FMNL3: variants seen among roughly 807,000 people sequenced by gnomAD.
The protein encoded by FMNL3 is formin-like protein 3.
FMNL3 carries 57 observed loss-of-function variants against 119.6 expected under a neutral mutation model. That is an observed-to-expected ratio of 0.48 (90% CI 0.39 to 0.59). The LOEUF (loss-of-function observed/expected upper bound fraction) is 0.59, where lower values mean the gene tolerates loss of function less well. FMNL3 is among the 20% of genes least tolerant of loss of function. The pLI, the probability that FMNL3 is intolerant of heterozygous loss-of-function variation, is 0.00. For synonymous variants in FMNL3, 491 were observed against 507.3 expected, an observed-to-expected ratio of 0.97 and a Z score of 0.43; for missense variants, 1,053 against 1,323.5, an observed-to-expected ratio of 0.80 and a Z score of 3.17.
rs1942716721 is a variant in FMNL3 at position 49,641,898 on chromosome 12, G to A, written c.*3917C>T. 1.9e-6 allele frequency: 3 copies of A among 1,611,754 alleles called. No individual in the cohort carries two copies. Among genetic ancestry groups the A allele is most frequent in the Non-Finnish European group, 2.5e-6 (3 of 1,179,348 alleles). ...TGGTGCCCCTGCTTCATGCACTGCT[G>A]TACCCACAGGACCGGGGCTTCTGCG... On this transcript the variant is annotated 3_prime_UTR_variant, in exon 26 of 26. Transcript: ENST00000335154.
Position 49,639,691 on chromosome 12 carries a change from AAAAG to A in FMNL3, c.*6120_*6123del, listed in dbSNP as rs1162376280. On this transcript the variant is annotated 3_prime_UTR_variant, in exon 26 of 26. Coordinates refer to ENST00000335154, the MANE Select transcript of FMNL3 (RefSeq NM_175736.5). ...TAAACTGTTTCTGCTGTTTAAAAAA[AAAAG>A]GGAGAATTCAACACCAGTGGGATAG... The A allele has an allele frequency of 1.3e-5, 2 of 152,228 alleles. No homozygotes were observed. Among genetic ancestry groups the A allele is most frequent in the Non-Finnish European group, 2.9e-5 (2 of 68,042 alleles). The allele number at this position is 152,228 out of a possible 1,614,324, so 9.4% of individuals were successfully genotyped here. A position where few individuals can be genotyped will look rare whatever the true frequency, so the allele number is the denominator to read the frequency against.
At position 49,656,889 on chromosome 12, in the gene FMNL3, T is replaced by G. The variant is rs780959316; in HGVS notation, c.725A>C (p.Asn242Thr). The part of the protein sequence containing the change: ...RAIMNYQYGF[N>T]LVMSHPHAVN... ...AGCATGGGGGTGGGACATGACCAGG[T>G]TGAATCCGTACTGCAAGGGAAAGGA... The change falls in exon 8 of 26, where the codon AAC becomes ACC. Residue 242 changes from asparagine to threonine, a missense_variant. Transcript: ENST00000335154. 2 of 1,614,032 alleles carry G rather than the reference T, an allele frequency of 1.2e-6. No individual in the cohort carries two copies. The highest frequency in any genetic ancestry group is 1.7e-5 in the Admixed American group (1 of 60,016).
rs1943135271 is a variant in FMNL3, at chr12:49,645,333, C to A, written c.*482G>T. 1 of 154,074 alleles carries A rather than the reference C, an allele frequency of 6.5e-6. No homozygotes were observed. Among genetic ancestry groups the A allele is most frequent in the Admixed American group, 6.5e-5 (1 of 15,362 alleles). 9.5% of individuals were successfully genotyped at this position (154,074 alleles called of 1,614,324 possible). A position where few individuals can be genotyped will look rare whatever the true frequency, so the allele number is the denominator to read the frequency against. On this transcript the variant is annotated 3_prime_UTR_variant, in exon 26 of 26. Transcript: ENST00000335154. ...TATCACTAGGGCACAGCTGGCACGGCCCATGCTTCAGAGGGCCTTGCTCCT... is the reference window on the plus strand; with the variant it reads ...TATCACTAGGGCACAGCTGGCACGGACCATGCTTCAGAGGGCCTTGCTCCT...
chr12:49,636,903 C>A lies in FMNL3; in HGVS notation c.*8912G>T. The A allele has an allele frequency of 6.2e-7, 1 of 1,608,734 alleles. No individual in the cohort carries two copies. The highest frequency in any genetic ancestry group is 8.5e-7 in the Non-Finnish European group (1 of 1,177,762). Reference sequence around the variant, plus strand: ...GCTCAGCTCTGCCCTAGAGCACAACCTCTTCACCCATTCCCTGCCCCCTTC... The same window carrying A: ...GCTCAGCTCTGCCCTAGAGCACAACATCTTCACCCATTCCCTGCCCCCTTC... On this transcript the variant is annotated 3_prime_UTR_variant, in exon 26 of 26. Transcript: ENST00000335154.
chr12:49,669,485 C>T (rs1943983180), intron 1 of FMNL3, among the ~76,000 whole-genome samples: 1 of 152,146 alleles, frequency 6.6e-6, no homozygotes, highest in Admixed American at 6.5e-5. Flanking sequence ...TCAGTCAAAC[C>T]TTTCTTCTCA....
In FMNL3 at chr12:49,643,422, A is replaced by G; in HGVS notation, c.*2393T>C. Reference sequence around the variant, plus strand: ...GGTAAGCAGTTGCTGTGAGCGTAGAAGCTGGAGAACTGTTGTCCCAGACTG... The same window carrying G: ...GGTAAGCAGTTGCTGTGAGCGTAGAGGCTGGAGAACTGTTGTCCCAGACTG... On this transcript the variant is annotated 3_prime_UTR_variant, in exon 26 of 26. Coordinates refer to ENST00000335154, the MANE Select transcript of FMNL3 (RefSeq NM_175736.5). 6.5e-7 allele frequency: 1 copy of G among 1,533,728 alleles called. No homozygotes were observed. Among genetic ancestry groups the G allele is most frequent in the Non-Finnish European group, 8.7e-7 (1 of 1,143,044 alleles).
At position 49,643,739 on chromosome 12, in the gene FMNL3, G is replaced by C. The variant is rs775868820; in HGVS notation, c.*2076C>G. On this transcript the variant is annotated 3_prime_UTR_variant, in exon 26 of 26. Coordinates refer to ENST00000335154, the MANE Select transcript of FMNL3 (RefSeq NM_175736.5). ...AAACCAAAAAAGAAAACTAAGAAGAGAAGACACAAGTCGGTGAGTGAAGGA... is the reference window on the plus strand; with the variant it reads ...AAACCAAAAAAGAAAACTAAGAAGACAAGACACAAGTCGGTGAGTGAAGGA... 22 of 1,614,032 alleles carry C rather than the reference G, an allele frequency of 1.4e-5. No homozygotes were observed. The highest frequency in any genetic ancestry group is 1.9e-5 in the Non-Finnish European group (22 of 1,180,026).
chr12:49,643,542 C>G lies in FMNL3; in HGVS notation c.*2273G>C. 2.2e-6 allele frequency: 3 copies of G among 1,361,110 alleles called. No individual in the cohort carries two copies. The highest frequency in any genetic ancestry group is 3.0e-6 in the Non-Finnish European group (3 of 1,008,006). 84.3% of individuals were successfully genotyped at this position (1,361,110 alleles called of 1,614,324 possible). On this transcript the variant is annotated 3_prime_UTR_variant, in exon 26 of 26. Transcript: ENST00000335154. ...GTAGAAAGAACTTCCTCTACCTGCC[C>G]AAGCAAGAAGCTGGAGAAGGAAAAC... is the stretch of plus-strand genomic sequence containing the variant.
chr12:49,660,695 G>A (rs1176527593), intron 5 of FMNL3, among the ~76,000 whole-genome samples: 3 of 152,258 alleles, frequency 2.0e-5, no homozygotes, highest in African/African-American at 7.2e-5. Flanking sequence ...AGCGGCTCAC[G>A]CCTGCAATCC....
At position 49,637,510 on chromosome 12, in the gene FMNL3, C is replaced by CT; in HGVS notation, c.*8304dup. On this transcript the variant is annotated 3_prime_UTR_variant, in exon 26 of 26. Transcript: ENST00000335154. Reference sequence around the variant, plus strand: ...CTGCATGAGACAGGGCAGCTGCACTCTATGTCCACCTGGATGGAGCTATAT... The same window carrying CT: ...CTGCATGAGACAGGGCAGCTGCACTCTTATGTCCACCTGGATGGAGCTATAT... The CT allele has an allele frequency of 6.2e-7, 1 of 1,613,854 alleles. No individual in the cohort carries two copies.
chr12:49,707,017 G>C, intron 1 of FMNL3, 38 bp downstream of exon 1: 1 of 1,552,740 alleles, frequency 6.4e-7, no homozygotes, highest in Non-Finnish European at 8.7e-7. Flanking sequence ...GGACCTGAGG[G>C]GCGGTACGCG....
In FMNL3 at chr12:49,638,915, AC is replaced by A. The variant is rs1187752669; in HGVS notation, c.*6899del. ...CACTGCATATACATTTCTTTGAAGT[AC>A]TGTTTTGCCTTACAAATTCACGTAG... is the stretch of plus-strand genomic sequence containing the variant. On this transcript the variant is annotated 3_prime_UTR_variant, in exon 26 of 26. Coordinates refer to ENST00000335154, the MANE Select transcript of FMNL3 (RefSeq NM_175736.5). 4 of 152,246 alleles carry A rather than the reference AC, an allele frequency of 2.6e-5. No homozygotes were observed. Among genetic ancestry groups the A allele is most frequent in the Non-Finnish European group, 5.9e-5 (4 of 68,044 alleles). 9.4% of individuals were successfully genotyped at this position (152,246 alleles called of 1,614,324 possible).
intron 1 of FMNL3, among the ~76,000 whole-genome samples, chr12:49,673,262 C>T (rs1300280539): frequency 6.6e-6 from 1 of 152,222 alleles, no homozygotes; most frequent in African/African-American, 2.4e-5. Flanking sequence ...ACCGCAGGTC[C>T]AAGTCCTCCG....
At chr12:49,646,130 C>T (rs1190843680) in intron 25 of FMNL3, among the ~76,000 whole-genome samples, 2 of 152,042 alleles carry the variant, frequency 1.3e-5, no homozygotes, top group African/African-American at 4.8e-5. Flanking sequence ...GGCCACTGGG[C>T]AGTGGAGAGA....
chr12:49,641,595 G>C lies in FMNL3; in HGVS notation c.*4220C>G. On this transcript the variant is annotated 3_prime_UTR_variant, in exon 26 of 26. Coordinates refer to ENST00000335154, the MANE Select transcript of FMNL3 (RefSeq NM_175736.5). ...ATGGAAGCACTGCTGAGCAGCAGGAGGGCCCAGCTGGGGCCAGAGCTTTAA... is the reference window on the plus strand; with the variant it reads ...ATGGAAGCACTGCTGAGCAGCAGGACGGCCCAGCTGGGGCCAGAGCTTTAA... 1 of 347,618 alleles carries C rather than the reference G, an allele frequency of 2.9e-6. No individual in the cohort carries two copies. The allele number at this position is 347,618 out of a possible 1,614,324, so 21.5% of individuals were successfully genotyped here. A position where few individuals can be genotyped will look rare whatever the true frequency, so the allele number is the denominator to read the frequency against.
At chr12:49,669,737 C>T (rs1279736704) in intron 1 of FMNL3, among the ~76,000 whole-genome samples, 1 of 152,136 alleles carries the variant, frequency 6.6e-6, no homozygotes, top group Non-Finnish European at 1.5e-5. Flanking sequence ...GTTGCCAAGG[C>T]ACAAGAATTG....
intron 1 of FMNL3, among the ~76,000 whole-genome samples, chr12:49,703,110 T>C (rs1944953381): frequency 6.6e-6 from 1 of 152,212 alleles, no homozygotes; most frequent in Non-Finnish European, 1.5e-5. Flanking sequence ...TCCTAAGGGA[T>C]ATACAGGGCT....
intron 1 of FMNL3, among the ~76,000 whole-genome samples, chr12:49,673,638 TGGCGGCCACAG>T (rs982305389): frequency 4.6e-5 from 7 of 152,256 alleles, no homozygotes; most frequent in African/African-American, 1.7e-4. Context: ...CTTGGCCCCT[TGGCGGCCACAG>T]CCAGTCCTGC....
At chr12:49,667,263 CA>C (rs910312202) in intron 2 of FMNL3, among the ~76,000 whole-genome samples, 1 of 151,648 alleles carries the variant, frequency 6.6e-6, no homozygotes, top group Non-Finnish European at 1.5e-5. Context: ...GACCTAAAAA[CA>C]AATCAAAGAA....
Sources: gnomAD v4.1 joint callset for allele counts (sites outside exome capture counted in the v4.1 genomes callset) on GRCh38, gnomAD v4.1.1 for gene constraint, MANE v1.5 for transcripts, NCBI Gene and HGNC (gene_info 2026-07-23, HGNC 2026-07-21) for gene names.